The following JADE1 variants were observed in gnomAD, a reference collection of about 807,000 sequenced individuals.
JADE1 encodes protein Jade-1.
Under a neutral mutation model 81.8 loss-of-function variants are expected in JADE1, and 14 were observed. The observed-to-expected ratio is 0.17, with a 90% confidence interval of 0.11 to 0.27. The LOEUF is 0.27. JADE1 is among the 10% of genes least tolerant of loss of function. The probability of loss-of-function intolerance (pLI) is 1.00; values close to 1 mark genes in which losing one functional copy is unlikely to be tolerated. For synonymous variants in JADE1, 353 were observed against 391.9 expected, an observed-to-expected ratio of 0.90 and a Z score of 1.17; for missense variants, 690 against 1,047.9, an observed-to-expected ratio of 0.66 and a Z score of 4.71.
At chr4:128,866,448 T>C (rs774707754) in intron 9 of JADE1, among the ~76,000 whole-genome samples, 1 of 152,226 alleles carries the variant, frequency 6.6e-6, no homozygotes, top group Non-Finnish European at 1.5e-5. Context: ...GTTCTGTCTC[T>C]CTTAATGCTT....
intron 1 of JADE1, among the ~76,000 whole-genome samples, chr4:128,810,733 G>A (rs929293859): frequency 2.7e-5 from 4 of 149,074 alleles, no homozygotes; most frequent in Non-Finnish European, 5.9e-5. Context: ...GCAGTGAGAG[G>A]GGGGTGGGGG....
chr4:128,834,709 A>AT lies in JADE1; in HGVS notation c.52+2905dup, dbSNP rs568633900. The stretch of plus-strand genomic sequence containing the variant: ...CCACTGCACCCGGCTACTTTTTTGT[A>AT]TTTTTTAGTAGAGACAGGGTTTCAT... On this transcript the variant is annotated intron_variant, in intron 2 of 10. Coordinates refer to ENST00000226319, the MANE Select transcript of JADE1 (RefSeq NM_199320.4). 3.9e-4 allele frequency among the ~76,000 whole-genome samples: 59 copies of AT among 151,490 alleles called. 1 individual carries two copies. The highest frequency in any genetic ancestry group is 1.3e-3 in the African/African-American group (54 of 41,294).
intron 4 of JADE1, among the ~76,000 whole-genome samples, chr4:128,847,080 G>C (rs1024759549): frequency 6.6e-6 from 1 of 152,182 alleles, no homozygotes; most frequent in African/African-American, 2.4e-5. Flanking sequence ...CTTGGGGTAC[G>C]TTCTCTGGAT....
intron 10 of JADE1, among the ~76,000 whole-genome samples, chr4:128,870,511 G>T (rs1364607694): frequency 6.6e-6 from 1 of 152,120 alleles, no homozygotes; most frequent in Non-Finnish European, 1.5e-5. Flanking sequence ...CCTGCTAGGG[G>T]TAACAACTCA....
intron 1 of JADE1, among the ~76,000 whole-genome samples, chr4:128,812,159 G>A (rs1477827745): frequency 6.6e-6 from 1 of 152,060 alleles, no homozygotes; most frequent in African/African-American, 2.4e-5. Flanking sequence ...AGAGGGCGGC[G>A]GCGGCGGGGA....
In JADE1 at chr4:128,831,830, T is replaced by C. The variant is rs779256097; in HGVS notation, c.52+20T>C. ...ATGGCAGTAAGTCCTGCTTTGTTGT[T>C]CTTGGAGCCTACCAGGGTTTGGGTC... On this transcript the variant is annotated intron_variant, in intron 2 of 10. Coordinates refer to ENST00000226319, the MANE Select transcript of JADE1 (RefSeq NM_199320.4). 5.6e-6 allele frequency: 9 copies of C among 1,607,900 alleles called. No individual in the cohort carries two copies. Among genetic ancestry groups the C allele is most frequent in the Non-Finnish European group, 7.7e-6 (9 of 1,174,304 alleles).
At chr4:128,828,766 T>C (rs1308007528) in intron 1 of JADE1, among the ~76,000 whole-genome samples, 1 of 152,176 alleles carries the variant, frequency 6.6e-6, no homozygotes, top group East Asian at 1.9e-4. Context: ...GTAAGCATTT[T>C]GATTCAAAAA....
In JADE1 at chr4:128,875,014, AAAAG is replaced by A. The variant is rs1297046632; in HGVS notation, c.*2753_*2756del. 2 of 151,074 alleles carry A rather than the reference AAAAG, an allele frequency of 1.3e-5. No individual in the cohort carries two copies. Among genetic ancestry groups the A allele is most frequent in the South Asian group, 2.1e-4 (1 of 4,814 alleles). 9.4% of individuals were successfully genotyped at this position (151,074 alleles called of 1,614,324 possible). On this transcript the variant is annotated 3_prime_UTR_variant, in exon 11 of 11. Transcript: ENST00000226319. Reference sequence around the variant, plus strand: ...CATTCAGCTAAAATTGAAAAAAAAAAAAAGGTGCATGAAGAGTTAAAAATCAAAT... The same window carrying A: ...CATTCAGCTAAAATTGAAAAAAAAAAGTGCATGAAGAGTTAAAAATCAAAT...
At chr4:128,849,588 C>T (rs1579191342) in intron 5 of JADE1, among the ~76,000 whole-genome samples, 1 of 152,206 alleles carries the variant, frequency 6.6e-6, no homozygotes, top group South Asian at 2.1e-4. Context: ...CAGGCATGCT[C>T]CCCATTTCCA....
rs575046166 is a variant in JADE1, at chr4:128,862,452, A to T, written c.1503+227A>T. The T allele has an allele frequency of 5.3e-4, 713 of 1,356,314 alleles. 7 individuals carry two copies. The South Asian group carries it at 7.6e-3, about 15-fold the overall frequency. The allele number at this position is 1,356,314 out of a possible 1,614,324, so 84.0% of individuals were successfully genotyped here. A position where few individuals can be genotyped will look rare whatever the true frequency, so the allele number is the denominator to read the frequency against. On this transcript the variant is annotated intron_variant, in intron 9 of 10. Coordinates refer to ENST00000226319, the MANE Select transcript of JADE1 (RefSeq NM_199320.4). ...GCTTCTTTGTGGTTTTTTTTTTTTT[A>T]AAAACACTTTCCCATTAATCTTTAC...
chr4:128,814,058 C>T (rs767452747), intron 1 of JADE1, among the ~76,000 whole-genome samples: 2 of 151,026 alleles, frequency 1.3e-5, no homozygotes, highest in Non-Finnish European at 2.9e-5. Flanking sequence ...AAAAAAAAAC[C>T]CACCTTCTTA....
intron 1 of JADE1, among the ~76,000 whole-genome samples, chr4:128,819,002 T>G (rs1188515823): frequency 6.6e-6 from 1 of 152,026 alleles, no homozygotes; most frequent in Admixed American, 6.6e-5. Flanking sequence ...GCTAGTTTTT[T>G]GTATTTTTTG....
intron 8 of JADE1, among the ~76,000 whole-genome samples, chr4:128,857,977 C>G (rs1730934871): frequency 6.6e-6 from 1 of 152,160 alleles, no homozygotes; most frequent in Non-Finnish European, 1.5e-5. Context: ...AACAGAGACT[C>G]TTTGAACACG....
intron 9 of JADE1, chr4:128,863,449 T>C: frequency 2.0e-6 from 2 of 984,886 alleles, no homozygotes; most frequent in Non-Finnish European, 2.4e-6. Flanking sequence ...CAAAAAAGCC[T>C]GATCTCATGG....
chr4:128,846,640 T>G lies in JADE1; in HGVS notation c.296+108T>G. On this transcript the variant is annotated intron_variant, in intron 4 of 10. Transcript: ENST00000226319. The surrounding 1 kb of genome is among the most constrained non-coding windows in gnomAD (Gnocchi z 4.0). The stretch of plus-strand genomic sequence containing the variant: ...TCTGTGGGAAGAGACAGTTTCTGAG[T>G]TAGCATTAAAATATCATGAGGCCTC... 1 of 1,223,846 alleles carries G rather than the reference T, an allele frequency of 8.2e-7. No homozygotes were observed. The allele number at this position is 1,223,846 out of a possible 1,614,324, so 75.8% of individuals were successfully genotyped here.
rs1726174445 is a variant in JADE1 at position 128,809,836 on chromosome 4, C to G, written c.-68C>G. 6.6e-6 allele frequency: 1 copy of G among 151,006 alleles called. No homozygotes were observed. Among genetic ancestry groups the G allele is most frequent in the South Asian group, 1.9e-4 (1 of 5,276 alleles). 9.4% of individuals were successfully genotyped at this position (151,006 alleles called of 1,614,324 possible). ...ACTCATGCAGCTCCGAGCGAGCGAG[C>G]GGCGCCCAGCCCAGCGCCTCGGCCG... On this transcript the variant is annotated 5_prime_UTR_variant, in exon 1 of 11. Transcript: ENST00000226319.
chr4:128,817,439 CT>C (rs1267219907), intron 1 of JADE1, among the ~76,000 whole-genome samples: 4 of 152,134 alleles, frequency 2.6e-5, no homozygotes, highest in Admixed American at 6.5e-5. Flanking sequence ...TAAGGACTTA[CT>C]TTAAGTGAAG....
chr4:128,842,302 C>CT (rs1184715497), intron 2 of JADE1, among the ~76,000 whole-genome samples: 1 of 149,952 alleles, frequency 6.7e-6, no homozygotes, highest in Admixed American at 6.6e-5. Context: ...TCTTTTCTTT[C>CT]TTTCTTTTTT....
chr4:128,811,570 C>A (rs1283047994), intron 1 of JADE1, among the ~76,000 whole-genome samples: 1 of 133,384 alleles, frequency 7.5e-6, no homozygotes, highest in African/African-American at 2.8e-5. Flanking sequence ...GGGCGGCGGC[C>A]GAGGCGCTGC....
Sources: gnomAD v4.1 joint callset for allele counts (sites outside exome capture counted in the v4.1 genomes callset) on GRCh38, gnomAD v4.1.1 for gene constraint, Gnocchi (gnomAD v3.1) non-coding constraint, MANE v1.5 for transcripts, NCBI Gene and HGNC (gene_info 2026-07-23, HGNC 2026-07-21) for gene names.